The following IL18 variants were observed in gnomAD, a reference collection of about 807,000 sequenced individuals.
IL18 encodes the protein interleukin-18.
IL18 carries 8 observed loss-of-function variants against 14.2 expected under a neutral mutation model. The observed-to-expected ratio is 0.56, with a 90% CI of 0.33 to 1.01. The LOEUF (loss-of-function observed/expected upper bound fraction) is 1.01. IL18 is among the 50% of genes least tolerant of loss of function. The probability of loss-of-function intolerance (pLI) is 0.03; values close to 1 mark genes in which losing one functional copy is unlikely to be tolerated. For missense variants in IL18, 166 were observed against 231.1 expected (o/e 0.72, Z 1.83); for synonymous variants, 67 against 71.0 (o/e 0.94, Z 0.28).
chr11:112,156,824 TCAAA>T (rs1826485280), intron 1 of IL18, among the ~76,000 whole-genome samples: 2 of 151,346 alleles, frequency 1.3e-5, no homozygotes. Context: ...TAAATATTTA[TCAAA>T]CATTTAAATA....
At chr11:112,163,593 C>CT (rs34269466) in intron 1 of IL18, among the ~76,000 whole-genome samples, 38,575 of 150,824 alleles carry the variant, frequency 0.26, 5,075 homozygotes, top group Admixed American at 0.3. Flanking sequence ...ACTCTTTATG[C>CT]TTTTTTTTTG....
At position 112,158,521 on chromosome 11, in the gene IL18, G is replaced by GT. The variant is rs71060226; in HGVS notation, c.-8-3461dup. ...CTTGGTTTCAACATATTTATTTGGA[G>GT]TTTTTTTTTTTTTGCACAGCAGTAA... On this transcript the variant is annotated intron_variant, in intron 1 of 5. Coordinates refer to ENST00000280357, the MANE Select transcript of IL18 (RefSeq NM_001562.4). 6.3e-4 allele frequency among the ~76,000 whole-genome samples: 66 copies of GT among 104,982 alleles called. 4 individuals are homozygous for GT. The East Asian group carries it at 7.2e-3, about 11-fold the overall frequency. The allele number at this position is 104,982 out of a possible 152,430, so 68.9% of individuals were successfully genotyped here.
chr11:112,156,259 A>T (rs1484652154), intron 1 of IL18, among the ~76,000 whole-genome samples: 1 of 152,108 alleles, frequency 6.6e-6, no homozygotes, highest in Non-Finnish European at 1.5e-5. Flanking sequence ...GCTAACCCCA[A>T]AATAGTTGTT....
intron 3 of IL18, 35 bp downstream of exon 3, chr11:112,153,557 G>C: frequency 6.8e-7 from 1 of 1,480,746 alleles, no homozygotes; most frequent in Non-Finnish European, 9.3e-7. Context: ...CAGATACTTA[G>C]TTTGCAAAGA....
At chr11:112,148,443 T>C (rs913956626) in intron 5 of IL18, among the ~76,000 whole-genome samples, 160 bp downstream of exon 5, 1 of 152,204 alleles carries the variant, frequency 6.6e-6, no homozygotes, top group African/African-American at 2.4e-5. Context: ...ATTTTAATGG[T>C]TCTCTGCTTC....
At chr11:112,154,307 C>A (rs182929489) in intron 2 of IL18, among the ~76,000 whole-genome samples, 41 of 152,114 alleles carry the variant, frequency 2.7e-4, no homozygotes, top group African/African-American at 9.4e-4. Context: ...GGAGGATCAT[C>A]TGAGATCAGG....
At chr11:112,148,290 A>G (rs1297362021) in intron 5 of IL18, among the ~76,000 whole-genome samples, 3 of 152,228 alleles carry the variant, frequency 2.0e-5, no homozygotes, top group Non-Finnish European at 4.4e-5. Context: ...TATGTATTCT[A>G]CATTATTATT....
chr11:112,148,985 A>G (rs1866388085), intron 4 of IL18, among the ~76,000 whole-genome samples: 1 of 152,088 alleles, frequency 6.6e-6, no homozygotes, highest in South Asian at 2.1e-4. Flanking sequence ...ATATCATTAT[A>G]CTCATAAAAG....
chr11:112,151,778 A>C (rs1032670531), intron 3 of IL18, among the ~76,000 whole-genome samples: 1 of 152,166 alleles, frequency 6.6e-6, no homozygotes, highest in Non-Finnish European at 1.5e-5. Context: ...AAAATTCAAC[A>C]CAACACCTAT....
At chr11:112,156,966 G>A (rs1219082281) in intron 1 of IL18, among the ~76,000 whole-genome samples, 3 of 152,012 alleles carry the variant, frequency 2.0e-5, no homozygotes, top group African/African-American at 7.2e-5. Flanking sequence ...AGGATGAAAA[G>A]ATCACTAAGA....
At chr11:112,144,877 A>G (rs1474141686) in intron 5 of IL18, among the ~76,000 whole-genome samples, 2 of 152,214 alleles carry the variant, frequency 1.3e-5, no homozygotes, top group East Asian at 3.8e-4. Flanking sequence ...AAATGGTTAG[A>G]TTACTTGAAA....
In IL18 at chr11:112,154,997, A is replaced by G; in HGVS notation, c.57T>C (p.Ile19=). 1 of 1,610,932 alleles carries G rather than the reference A, an allele frequency of 6.2e-7. No individual in the cohort carries two copies. Among genetic ancestry groups the G allele is most frequent in the Non-Finnish European group, 8.5e-7 (1 of 1,177,194 alleles). ...TACCTATAAAGTAAAGCGTATTGTC[A>G]ATAAATTTCATTGCCACAAAGTTGA... is the stretch of plus-strand genomic sequence containing the variant. The part of the protein sequence containing the change: ...NCINFVAMKF[I]DNTLYFIAED... The change falls in exon 2 of 6, where the codon ATT becomes ATC. Residue 19 remains isoleucine, a synonymous_variant. Transcript: ENST00000280357.
At chr11:112,153,873 A>G (rs966475045) in intron 2 of IL18, among the ~76,000 whole-genome samples, 1 of 152,178 alleles carries the variant, frequency 6.6e-6, no homozygotes, top group Admixed American at 6.5e-5. Flanking sequence ...AACTAAAAAT[A>G]AATTTTATAA....
intron 4 of IL18, 88 bp downstream of exon 4, chr11:112,149,984 T>A: frequency 8.7e-7 from 1 of 1,143,150 alleles, no homozygotes; most frequent in East Asian, 2.5e-5. Flanking sequence ...CATCTGAGGA[T>A]TGGGACTAGC....
chr11:112,150,323 G>T (rs1490770971), intron 3 of IL18, 117 bp from the exon 4 acceptor site: 2 of 679,780 alleles, frequency 2.9e-6, no homozygotes, highest in Non-Finnish European at 4.9e-6. Flanking sequence ...TGTTCCAGAA[G>T]TAGCTACAAT....
chr11:112,148,726 G>C lies in IL18; in HGVS notation c.237C>G (p.Pro79=). The change falls in exon 5 of 6, where the codon CCC becomes CCG. Residue 79 remains proline (P), a synonymous_variant. Coordinates refer to ENST00000280357, the MANE Select transcript of IL18 (RefSeq NM_001562.4). The part of the protein sequence containing the change: ...MTDSDCRDNA[P]RTIFIISMYK... ...ACATACTTATAATAAATATGGTCCG[G>C]GGTGCATTATCTGAAATAAATATAA... The C allele has an allele frequency of 6.9e-7, 1 of 1,446,692 alleles. No homozygotes were observed. The highest frequency in any genetic ancestry group is 9.2e-7 in the Non-Finnish European group (1 of 1,088,420). 89.6% of individuals were successfully genotyped at this position (1,446,692 alleles called of 1,614,324 possible).
At chr11:112,160,232 T>G (rs568100237) in intron 1 of IL18, among the ~76,000 whole-genome samples, 23 of 151,832 alleles carry the variant, frequency 1.5e-4, no homozygotes, top group African/African-American at 4.1e-4. Flanking sequence ...CTCTTCTACT[T>G]GGTTTTCTTG....
At chr11:112,148,834 T>G in intron 4 of IL18, 98 bp from the exon 5 acceptor site, 1 of 668,714 alleles carries the variant, frequency 1.5e-6, no homozygotes, top group Non-Finnish European at 2.2e-6. Flanking sequence ...AATACACCTG[T>G]TCCCACTTTG....
Position 112,143,676 on chromosome 11 carries a change from C to G in IL18, c.502G>C (p.Asp168His). Residue 168 changes from aspartate to histidine, a missense_variant, in exon 6 of 6, where the codon GAC becomes CAC. Transcript: ENST00000280357. ...GYFLACEKERDLFKLILKKED... is the reference protein window; with the variant it reads ...GYFLACEKERHLFKLILKKED... ...TTTTTCAAAATGAGTTTAAAAAGGT[C>G]TCTCTCTTTTTCACAAGCTAGAAAG... 1 of 1,612,542 alleles carries G rather than the reference C, an allele frequency of 6.2e-7. No homozygotes were observed. The highest frequency in any genetic ancestry group is 8.5e-7 in the Non-Finnish European group (1 of 1,178,814).
Sources: allele counts gnomAD v4.1 joint callset (sites outside exome capture counted in the v4.1 genomes callset), GRCh38; gene constraint gnomAD v4.1.1; transcripts MANE v1.5; gene names NCBI Gene and HGNC (gene_info 2026-07-23, HGNC 2026-07-21).